The following ACBD5 variants were observed in gnomAD, a reference collection of about 807,000 sequenced individuals.
ACBD5 encodes the protein acyl-CoA binding domain containing 5.
In ACBD5, 40 loss-of-function variants were observed where a neutral mutation model predicts 71.8. That is an observed-to-expected ratio of 0.56 (90% CI 0.43 to 0.72). The LOEUF is 0.72. Ranked by LOEUF, ACBD5 falls within the 30% of genes least tolerant of loss-of-function variation. The probability of loss-of-function intolerance (pLI) is 0.00; values close to 1 mark genes in which losing one functional copy is unlikely to be tolerated. For synonymous variants in ACBD5, 229 were observed against 218.6 expected, an observed-to-expected ratio of 1.05 and a Z score of -0.42; for missense variants, 559 against 644.5, an observed-to-expected ratio of 0.87 and a Z score of 1.44.
chr10:27,190,030 A>G (rs1012704069), intron 13 of ACBD5, among the ~76,000 whole-genome samples: 6 of 152,176 alleles, frequency 3.9e-5, no homozygotes, highest in African/African-American at 9.6e-5. Flanking sequence ...TACGCCTGTA[A>G]TCTCAGCACT....
At chr10:27,227,704 C>CTTTATTTA (rs748616696) in intron 4 of ACBD5, among the ~76,000 whole-genome samples, 1 of 151,912 alleles carries the variant, frequency 6.6e-6, no homozygotes, top group Non-Finnish European at 1.5e-5. Flanking sequence ...CAGGTTCCAT[C>CTTTATTTA]TTTATTTATT....
At chr10:27,214,313 C>T (rs1386662706) in intron 8 of ACBD5, among the ~76,000 whole-genome samples, 1 of 152,052 alleles carries the variant, frequency 6.6e-6, no homozygotes, top group East Asian at 1.9e-4. Context: ...GTGATTATTA[C>T]ACATCATATG....
chr10:27,233,628 G>GA (rs1416640815), intron 3 of ACBD5, among the ~76,000 whole-genome samples: 1 of 152,102 alleles, frequency 6.6e-6, no homozygotes, highest in African/African-American at 2.4e-5. Context: ...TGAGGTGGGA[G>GA]AATTGTTTGA....
intron 2 of ACBD5, among the ~76,000 whole-genome samples, chr10:27,238,496 T>C (rs1323988183): frequency 1.3e-5 from 2 of 152,242 alleles, no homozygotes; most frequent in Admixed American, 1.3e-4. Flanking sequence ...CATACCTTTC[T>C]ATAAACACTA....
Position 27,215,537 on chromosome 10 carries a change from C to T in ACBD5, c.934G>A (p.Glu312Lys), listed in dbSNP as rs141272108. 5.0e-6 allele frequency: 8 copies of T among 1,608,506 alleles called. No homozygotes were observed. The African/African-American group carries it at 1.1e-4, about 21-fold the overall frequency. ...CDSMEQFGQE[E>K]SLDSFTSNNG... ...CAATCAGAAAATGTCATTTTTACCT[C>T]TTCTTGTCCAAATTGTTCCATAGAA... The change falls in exon 8 of 13, where the codon GAG (glutamate) becomes AAG (lysine). Residue 312 changes from glutamate (E) to lysine (K), a missense_variant and splice_region_variant. Physicochemically the swap from Glu to Lys is moderately conservative, Grantham distance 56. Transcript: ENST00000396271.
In ACBD5 at chr10:27,238,032, G is replaced by A. The variant is rs2064977264; in HGVS notation, c.181+2287C>T. On this transcript the variant is annotated intron_variant, in intron 2 of 12. Transcript: ENST00000396271. ...GTGATCTAGGCTCACTGCAAGCTCC[G>A]CCTCCCGGGTTCACGCCATTCTCCT... Among the ~76,000 whole-genome samples the A allele has an allele frequency of 2.6e-5, 4 of 151,844 alleles. No individual in the cohort carries two copies. The South Asian group carries it at 6.2e-4, about 24-fold the overall frequency.
chr10:27,236,194 T>C (rs562815689), intron 2 of ACBD5, among the ~76,000 whole-genome samples: 3 of 152,098 alleles, frequency 2.0e-5, no homozygotes, highest in Non-Finnish European at 4.4e-5. Flanking sequence ...AATTGGAATG[T>C]TAATGTTTTA....
At chr10:27,215,113 G>A (rs1361890499) in intron 8 of ACBD5, among the ~76,000 whole-genome samples, 2 of 152,016 alleles carry the variant, frequency 1.3e-5, no homozygotes, top group African/African-American at 2.4e-5. Flanking sequence ...GCAGTGACCC[G>A]AGATTGCGCC....
chr10:27,218,323 C>T (rs898104470), intron 6 of ACBD5, 140 bp from the exon 7 acceptor site: 11 of 742,216 alleles, frequency 1.5e-5, no homozygotes, highest in African/African-American at 5.2e-5. Context: ...AAAGAGAAGG[C>T]GTGCTCCTTG....
intron 13 of ACBD5, among the ~76,000 whole-genome samples, chr10:27,185,241 A>G (rs2058615766): frequency 6.6e-6 from 1 of 152,154 alleles, no homozygotes; most frequent in Non-Finnish European, 1.5e-5. Context: ...TAGAGTCAAA[A>G]CTGGAGCATT....
chr10:27,205,378 T>C, intron 10 of ACBD5, 130 bp from the exon 11 acceptor site: 1 of 850,070 alleles, frequency 1.2e-6, no homozygotes, highest in Admixed American at 1.9e-5. Context: ...TCTTTATGTA[T>C]AGAACAGTTG....
chr10:27,196,199 TA>T lies in ACBD5; in HGVS notation c.*1230del, dbSNP rs200995487. On this transcript the variant is annotated 3_prime_UTR_variant, in exon 13 of 13. Transcript: ENST00000396271. The stretch of plus-strand genomic sequence containing the variant: ...TGGGCAACAAGAGAGAAACTCCATT[TA>T]AAAAAAAAAATTATTTGTTACAAAG... 4,110 of 403,470 alleles carry T rather than the reference TA, an allele frequency of 0.01. 143 individuals are homozygous for T. The East Asian group carries it at 0.12, about 12-fold the overall frequency. The allele number at this position is 403,470 out of a possible 1,614,324, so 25.0% of individuals were successfully genotyped here.
intron 5 of ACBD5, among the ~76,000 whole-genome samples, chr10:27,222,371 C>T (rs7358057): frequency 0.07 from 10,391 of 147,916 alleles, 679 homozygotes; most frequent in African/African-American, 0.17. Flanking sequence ...ATGCAAAACA[C>T]AACCCTTTCA....
chr10:27,215,141 G>T (rs1267555471), intron 8 of ACBD5, among the ~76,000 whole-genome samples: 1 of 151,988 alleles, frequency 6.6e-6, no homozygotes, highest in Non-Finnish European at 1.5e-5. Context: ...TCCAGCCTGG[G>T]TGACAGACAG....
At chr10:27,238,617 T>C (rs892873340) in intron 2 of ACBD5, among the ~76,000 whole-genome samples, 6 of 152,158 alleles carry the variant, frequency 3.9e-5, no homozygotes, top group Non-Finnish European at 7.3e-5. Flanking sequence ...CAATAGAATG[T>C]TTGAAATTAC....
intron 4 of ACBD5, among the ~76,000 whole-genome samples, chr10:27,227,257 A>G (rs537481447): frequency 6.6e-6 from 1 of 152,014 alleles, no homozygotes; most frequent in African/African-American, 2.4e-5. Flanking sequence ...AAGCCCCATA[A>G]TTTTTCTAGG....
rs1181632535 is a variant in ACBD5 at position 27,196,734 on chromosome 10, C to T, written c.*696G>A. The T allele has an allele frequency of 2.2e-6, 1 of 454,280 alleles. No homozygotes were observed. 28.1% of individuals were successfully genotyped at this position (454,280 alleles called of 1,614,324 possible). Reference sequence around the variant, plus strand: ...ACAGGCTCAGAATACACTTTTAAACCTACATGAAGCTCATTCTTCACCATT... The same window carrying T: ...ACAGGCTCAGAATACACTTTTAAACTTACATGAAGCTCATTCTTCACCATT... On this transcript the variant is annotated 3_prime_UTR_variant, in exon 13 of 13. Coordinates refer to ENST00000396271, the MANE Select transcript of ACBD5 (RefSeq NM_145698.5).
chr10:27,210,732 T>C, intron 9 of ACBD5, 82 bp downstream of exon 9: 1 of 1,590,556 alleles, frequency 6.3e-7, no homozygotes, highest in South Asian at 1.1e-5. Flanking sequence ...CACACCAGCC[T>C]GGGCGACAGA....
chr10:27,195,514 T>G lies in ACBD5; in HGVS notation c.*1916A>C, dbSNP rs1460894904. On this transcript the variant is annotated 3_prime_UTR_variant, in exon 13 of 13. Coordinates refer to ENST00000396271, the MANE Select transcript of ACBD5 (RefSeq NM_145698.5). ...ACTCTTAATTTGCATTTTATTTATT[T>G]ATATACTAAGAGAAAAGACACTTTT... 2.2e-6 allele frequency: 1 copy of G among 453,326 alleles called. No homozygotes were observed. The highest frequency in any genetic ancestry group is 4.4e-6 in the Non-Finnish European group (1 of 226,584). 28.1% of individuals were successfully genotyped at this position (453,326 alleles called of 1,614,324 possible). A position where few individuals can be genotyped will look rare whatever the true frequency, so the allele number is the denominator to read the frequency against.
Sources: gnomAD v4.1 joint callset for allele counts (sites outside exome capture counted in the v4.1 genomes callset) on GRCh38, gnomAD v4.1.1 for gene constraint, MANE v1.5 for transcripts, NCBI Gene and HGNC (gene_info 2026-07-23, HGNC 2026-07-21) for gene names.